The following WDTC1 variants were observed in gnomAD, a reference collection of about 807,000 sequenced individuals.
The protein encoded by WDTC1 is WD and tetratricopeptide repeats 1.
A neutral mutation model predicts 76.0 loss-of-function variants in WDTC1; 12 were observed. That is an observed-to-expected ratio of 0.16 (90% confidence interval 0.10 to 0.26). The LOEUF is 0.26. WDTC1 is among the 10% of genes least tolerant of loss of function. The pLI is 1.00. For missense variants in WDTC1, 511 were observed against 908.8 expected (o/e 0.56, Z 5.63); for synonymous variants, 326 against 350.8 (o/e 0.93, Z 0.79).
chr1:27,271,596 C>T (rs1174421799), intron 3 of WDTC1, among the ~76,000 whole-genome samples: 1 of 151,874 alleles, frequency 6.6e-6, no homozygotes, highest in African/African-American at 2.4e-5. Flanking sequence ...TGCCAACTAA[C>T]TCATGTAATT....
At chr1:27,239,089 A>G (rs1375254808) in intron 1 of WDTC1, among the ~76,000 whole-genome samples, 3 of 146,160 alleles carry the variant, frequency 2.1e-5, no homozygotes, top group African/African-American at 5.1e-5. Flanking sequence ...TTTTTCATAG[A>G]GATGGGGTTT....
chr1:27,260,841 C>T (rs1301011624), intron 1 of WDTC1, 115 bp from the exon 2 acceptor site: 2 of 596,592 alleles, frequency 3.4e-6, no homozygotes, highest in East Asian at 2.8e-5. Context: ...GCCCACCATG[C>T]CACAAATGAC....
At chr1:27,266,999 CT>C (rs1435070026) in intron 3 of WDTC1, among the ~76,000 whole-genome samples, 1 of 152,166 alleles carries the variant, frequency 6.6e-6, no homozygotes, top group Non-Finnish European at 1.5e-5. Context: ...GTGTGATTGA[CT>C]TTTTTGTTTT....
At chr1:27,242,991 A>G (rs2011677373) in intron 1 of WDTC1, among the ~76,000 whole-genome samples, 5 of 152,164 alleles carry the variant, frequency 3.3e-5, no homozygotes, top group Admixed American at 2.6e-4. Flanking sequence ...TGATGAGTCT[A>G]TCCTACCAGC....
intron 1 of WDTC1, among the ~76,000 whole-genome samples, chr1:27,260,695 T>C (rs1158033233): frequency 2.0e-5 from 3 of 152,246 alleles, no homozygotes; most frequent in Non-Finnish European, 4.4e-5. Context: ...TTCATACTTA[T>C]ACACAACCTG....
At chr1:27,251,033 ATT>A (rs71584875) in intron 1 of WDTC1, among the ~76,000 whole-genome samples, 50 of 28,666 alleles carry the variant, frequency 1.7e-3, no homozygotes, top group African/African-American at 4.0e-3. Flanking sequence ...CTCCTGGCTA[ATT>A]TTTTTTTTTT....
rs1416377732 is a variant in WDTC1 at position 27,308,594 on chromosome 1, A to C, written c.*2211A>C. On this transcript the variant is annotated 3_prime_UTR_variant, in exon 16 of 16. Coordinates refer to ENST00000319394, the MANE Select transcript of WDTC1 (RefSeq NM_001276252.2). Reference sequence around the variant, plus strand: ...GTGTGTGTGTATATATATATAAAAAAAATGAACAAAAGTTTTACACAATAA... The same window carrying C: ...GTGTGTGTGTATATATATATAAAAACAATGAACAAAAGTTTTACACAATAA... 1 of 152,240 alleles carries C rather than the reference A, an allele frequency of 6.6e-6. No homozygotes were observed. The highest frequency in any genetic ancestry group is 1.5e-5 in the Non-Finnish European group (1 of 68,042). 9.4% of individuals were successfully genotyped at this position (152,240 alleles called of 1,614,324 possible).
intron 1 of WDTC1, among the ~76,000 whole-genome samples, chr1:27,236,445 C>G (rs557851367): frequency 6.6e-6 from 1 of 152,238 alleles, no homozygotes; most frequent in Non-Finnish European, 1.5e-5. Context: ...CACTTCTGTT[C>G]GAGTCTTATC....
chr1:27,256,904 C>G (rs2012300138), intron 1 of WDTC1, among the ~76,000 whole-genome samples: 1 of 152,168 alleles, frequency 6.6e-6, no homozygotes, highest in Non-Finnish European at 1.5e-5. Flanking sequence ...CTCTGTTGCC[C>G]AGGCTGGAGC....
chr1:27,287,125 T>C (rs529946780), intron 5 of WDTC1, among the ~76,000 whole-genome samples: 2 of 149,826 alleles, frequency 1.3e-5, no homozygotes, highest in African/African-American at 4.9e-5. Context: ...ATTGCACCAC[T>C]GCACTCCAGC....
intron 1 of WDTC1, among the ~76,000 whole-genome samples, chr1:27,255,805 T>G (rs2012258267): frequency 1.3e-5 from 2 of 152,032 alleles, no homozygotes; most frequent in Non-Finnish European, 2.9e-5. Flanking sequence ...CTGACCTCAG[T>G]TGATCCACCC....
At chr1:27,287,605 C>T in intron 5 of WDTC1, 69 bp from the exon 6 acceptor site, 1 of 1,506,012 alleles carries the variant, frequency 6.6e-7, no homozygotes, top group Non-Finnish European at 9.0e-7. Flanking sequence ...TGCAGACATC[C>T]AGGCTAGCCT....
At chr1:27,304,256 C>A in intron 14 of WDTC1, 1 of 167,486 alleles carries the variant, frequency 6.0e-6, no homozygotes, top group Non-Finnish European at 1.3e-5. Flanking sequence ...CCATCATCCC[C>A]ACCCCTCATT....
At chr1:27,283,030 C>T (rs899910525) in intron 4 of WDTC1, among the ~76,000 whole-genome samples, 1 of 151,104 alleles carries the variant, frequency 6.6e-6, no homozygotes, top group East Asian at 2.0e-4. Context: ...CCCAGCTACT[C>T]AGGAGGCTGA....
rs779783895 is a variant in WDTC1, at chr1:27,292,287, G to A, written c.552G>A (p.Leu184=). Residue 184 remains leucine, a synonymous_variant, in exon 7 of 16, where the codon CTG becomes CTA. Coordinates refer to ENST00000319394, the MANE Select transcript of WDTC1 (RefSeq NM_001276252.2). The part of the protein sequence containing the change: ...LIDLTEYCGQ[L]VEAKCLTVNP... ...ACCTGACAGAGTACTGTGGCCAGCT[G>A]GTGGAGGCCAAGTGCCTCACTGTCA... The A allele has an allele frequency of 6.2e-7, 1 of 1,613,214 alleles. No homozygotes were observed. The highest frequency in any genetic ancestry group is 8.5e-7 in the Non-Finnish European group (1 of 1,179,624).
Position 27,294,500 on chromosome 1 carries a change from G to T in WDTC1, c.758-14G>T. The T allele has an allele frequency of 1.2e-6, 2 of 1,612,690 alleles. No homozygotes were observed. The highest frequency in any genetic ancestry group is 1.7e-6 in the Non-Finnish European group (2 of 1,178,740). ...GGGACTGGGACCCTAGTATGACTGG[G>T]CTATTCCCTGCAGGTCACCTGCCAG... On this transcript the variant is annotated splice_polypyrimidine_tract_variant and intron_variant, in intron 8 of 15. Transcript: ENST00000319394.
At chr1:27,263,265 A>G (rs1345620196) in intron 3 of WDTC1, 30 bp downstream of exon 3, 2 of 1,604,328 alleles carry the variant, frequency 1.2e-6, no homozygotes, top group Non-Finnish European at 1.7e-6. Flanking sequence ...CCTTAGATGC[A>G]GATGGCCTGC....
intron 8 of WDTC1, 124 bp from the exon 9 acceptor site, chr1:27,294,390 A>T (rs1263749096): frequency 9.1e-6 from 8 of 881,400 alleles, no homozygotes; most frequent in African/African-American, 1.7e-5. Flanking sequence ...GTAAGGGCTC[A>T]ACACTTGTAG....
chr1:27,264,048 G>A (rs1206312969), intron 3 of WDTC1, among the ~76,000 whole-genome samples: 2 of 151,982 alleles, frequency 1.3e-5, no homozygotes. Context: ...CAGCACTTTG[G>A]GAGGTCAAGG....
Sources: allele counts gnomAD v4.1 joint callset (sites outside exome capture counted in the v4.1 genomes callset), GRCh38; gene constraint gnomAD v4.1.1; transcripts MANE v1.5; gene names NCBI Gene and HGNC (gene_info 2026-07-23, HGNC 2026-07-21).